IDO2: variants seen among roughly 807,000 people sequenced by gnomAD.
The protein encoded by IDO2 is indoleamine 2,3-dioxygenase-like 1 protein.
Under a neutral mutation model 45.1 loss-of-function variants are expected in IDO2, and 46 were observed. That is an observed-to-expected ratio of 1.02 (90% confidence interval 0.80 to 1.30). The LOEUF (loss-of-function observed/expected upper bound fraction) is 1.30, where lower values mean the gene tolerates loss of function less well. Ranked by LOEUF, IDO2 falls within the 50% of genes most tolerant of loss-of-function variation. The pLI is 0.00. For synonymous variants in IDO2, 218 were observed against 184.9 expected (o/e 1.18, Z -1.45); for missense variants, 544 against 491.8 (o/e 1.11, Z -1.00).
At chr8:40,015,525 G>A (rs1802374538) in exon 11 of IDO2, 1 of 1,613,840 alleles carries the variant, frequency 6.2e-7, no homozygotes, top group African/African-American at 1.3e-5. Context: ...CAGGGGCACA[G>A]GTGGAACCGC....
chr8:39,961,411 C>T (rs1466861967), intron 2 of IDO2, among the ~76,000 whole-genome samples: 1 of 142,886 alleles, frequency 7.0e-6, no homozygotes, highest in Non-Finnish European at 1.5e-5. Context: ...CAACTTTCGC[C>T]TCCCAGGTTC....
chr8:39,981,819 T>C (rs1056713492), intron 4 of IDO2, among the ~76,000 whole-genome samples: 1 of 151,984 alleles, frequency 6.6e-6, no homozygotes, highest in African/African-American at 2.4e-5. Flanking sequence ...AAGGATGGGG[T>C]TTGAATCTAG....
intron 1 of IDO2, among the ~76,000 whole-genome samples, chr8:39,947,528 C>T (rs1807755646): frequency 6.6e-6 from 1 of 152,170 alleles, no homozygotes; most frequent in Non-Finnish European, 1.5e-5. Context: ...TTACTTCCTC[C>T]TTCCTTTGTT....
intron 4 of IDO2, among the ~76,000 whole-genome samples, chr8:39,981,181 C>A (rs1468650473): frequency 6.6e-6 from 1 of 152,030 alleles, no homozygotes; most frequent in Admixed American, 6.6e-5. Context: ...CCTATCTCAG[C>A]CTCCCAAGTA....
intron 1 of IDO2, among the ~76,000 whole-genome samples, chr8:39,943,467 G>A (rs1807679226): frequency 6.6e-6 from 1 of 152,144 alleles, no homozygotes; most frequent in Non-Finnish European, 1.5e-5. Context: ...GCCGGGCGCG[G>A]TGGCTCAAGC....
At chr8:39,988,059 A>T (rs1476417705) in intron 7 of IDO2, 89 bp downstream of exon 7, 3 of 720,574 alleles carry the variant, frequency 4.2e-6, no homozygotes, top group East Asian at 5.4e-5. Context: ...GGATTTCTCA[A>T]CACAAATGAA....
intron 8 of IDO2, among the ~76,000 whole-genome samples, chr8:40,004,532 TAGATA>T (rs1174210250): frequency 3.0e-5 from 4 of 132,948 alleles, no homozygotes; most frequent in Non-Finnish European, 6.9e-5. Flanking sequence ...AGATGATAGA[TAGATA>T]GATAGATAGA....
At position 39,999,281 on chromosome 8, in the gene IDO2, T is replaced by TA. The variant is rs1377249958; in HGVS notation, c.668-6046_668-6045insA. ...TGGGCTTCATTCTGCTGCTGCTTTT[T>TA]TTTTTTTTTTTTTTTTGAGATGGAG... On this transcript the variant is annotated intron_variant, in intron 8 of 10. Transcript: ENST00000502986. Among the ~76,000 whole-genome samples, 690 of 142,966 alleles carry TA rather than the reference T, an allele frequency of 4.8e-3. 7 individuals are homozygous for TA. The highest frequency in any genetic ancestry group is 0.016 in the African/African-American group (619 of 38,380). 93.8% of individuals were successfully genotyped at this position (142,966 alleles called of 152,430 possible).
intron 8 of IDO2, among the ~76,000 whole-genome samples, chr8:40,000,747 A>G (rs1802122762): frequency 1.3e-5 from 2 of 152,220 alleles, no homozygotes; most frequent in Non-Finnish European, 2.9e-5. Context: ...AGGGAGTTGA[A>G]TTGTTCAACA....
At position 39,993,082 on chromosome 8, in the gene IDO2, C is replaced by T. The variant is rs371114768; in HGVS notation, c.667+3244C>T. Among the ~76,000 whole-genome samples the T allele has an allele frequency of 2.2e-4, 33 of 152,284 alleles. 2 individuals are homozygous for T. In the East Asian group the frequency reaches 4.8e-3, roughly 22 times the overall value. ...CCATATCTATGTCAGTCTGCCACTG[C>T]CTGCCGCCTGTCAACCGTGCGTGTC... is the stretch of plus-strand genomic sequence containing the variant. On this transcript the variant is annotated intron_variant, in intron 8 of 10. Transcript: ENST00000502986.
chr8:39,954,725 G>A (rs888647740), intron 2 of IDO2, among the ~76,000 whole-genome samples: 3 of 138,610 alleles, frequency 2.2e-5, no homozygotes, highest in African/African-American at 5.5e-5. Flanking sequence ...GTGCAATCTC[G>A]GCTCACTGCA....
At chr8:39,985,643 G>A (rs1022279095) in intron 6 of IDO2, 121 bp downstream of exon 6, 5 of 804,876 alleles carry the variant, frequency 6.2e-6, no homozygotes, top group South Asian at 3.7e-5. Context: ...CATATAAAAT[G>A]CATAAAAAAT....
chr8:39,996,623 CTT>C (rs941051883), intron 8 of IDO2, among the ~76,000 whole-genome samples: 11 of 152,068 alleles, frequency 7.2e-5, no homozygotes, highest in Non-Finnish European at 1.0e-4. Flanking sequence ...TCTACCATCT[CTT>C]GTCTCCGCAC....
intron 5 of IDO2, 119 bp from the exon 6 acceptor site, chr8:39,985,380 TTGCACACAA>T (rs1808408394): frequency 3.9e-6 from 3 of 772,380 alleles, no homozygotes; most frequent in Admixed American, 2.7e-5. Context: ...CTGCAGTGCC[TTGCACACAA>T]GTGTGCATGC....
chr8:39,948,092 G>A (rs1006776493), intron 1 of IDO2, among the ~76,000 whole-genome samples: 3 of 152,182 alleles, frequency 2.0e-5, no homozygotes, highest in Non-Finnish European at 4.4e-5. Flanking sequence ...GCCCAGCCTC[G>A]AGTGCTATTT....
chr8:39,995,179 C>CTTT (rs1554548585), intron 8 of IDO2: 18 of 112,996 alleles, frequency 1.6e-4, no homozygotes, highest in Non-Finnish European at 3.6e-5. Context: ...TCCTCTTCTT[C>CTTT]CTTCTTCTTC....
intron 4 of IDO2, 65 bp downstream of exon 4, chr8:39,979,251 C>A: frequency 6.5e-7 from 1 of 1,543,404 alleles, no homozygotes; most frequent in Non-Finnish European, 8.8e-7. Context: ...GTAACGTGCT[C>A]CCTGCTTGGT....
chr8:40,004,525 T>TATAGATA (rs376224772), intron 8 of IDO2, among the ~76,000 whole-genome samples: 1 of 144,398 alleles, frequency 6.9e-6, no homozygotes, highest in African/African-American at 2.6e-5. Flanking sequence ...GACAGACAGA[T>TATAGATA]GATAGATAGA....
At chr8:39,993,172 T>A (rs1276783375) in intron 8 of IDO2, among the ~76,000 whole-genome samples, 1 of 152,168 alleles carries the variant, frequency 6.6e-6, no homozygotes, top group Non-Finnish European at 1.5e-5. Flanking sequence ...TTCTGACTCA[T>A]TGGAAGGTTA....
Sources: allele counts gnomAD v4.1 joint callset (sites outside exome capture counted in the v4.1 genomes callset), GRCh38; gene constraint gnomAD v4.1.1; transcripts MANE v1.5; gene names NCBI Gene and HGNC (gene_info 2026-07-23, HGNC 2026-07-21).